The following ZNHIT6 variants were observed in gnomAD, a reference collection of about 807,000 sequenced individuals.
The protein encoded by ZNHIT6 is box C/D snoRNA protein 1.
ZNHIT6 carries 45 observed loss-of-function variants against 57.2 expected under a neutral mutation model. The observed-to-expected ratio is 0.79, with a 90% CI of 0.62 to 1.01. The LOEUF (loss-of-function observed/expected upper bound fraction) is 1.01, where lower values mean the gene tolerates loss of function less well. Ranked by LOEUF, ZNHIT6 falls within the 50% of genes least tolerant of loss-of-function variation. ZNHIT6 has a pLI of 0.00. For missense variants in ZNHIT6, 528 were observed against 567.3 expected, an observed-to-expected ratio of 0.93 and a Z score of 0.70; for synonymous variants, 188 against 190.0, an observed-to-expected ratio of 0.99 and a Z score of 0.09.
chr1:85,668,833 TCAA>T (rs1314013515), intron 8 of ZNHIT6, among the ~76,000 whole-genome samples: 1 of 152,160 alleles, frequency 6.6e-6, no homozygotes, highest in Non-Finnish European at 1.5e-5. Context: ...CTTCAACAAC[TCAA>T]CTGAATATAT....
At chr1:85,681,671 T>G (rs191558661) in intron 5 of ZNHIT6, among the ~76,000 whole-genome samples, 1 of 152,194 alleles carries the variant, frequency 6.6e-6, no homozygotes, top group Non-Finnish European at 1.5e-5. Flanking sequence ...CCCATAGCAG[T>G]AGGACCCCAA....
intron 5 of ZNHIT6, among the ~76,000 whole-genome samples, chr1:85,694,544 C>T (rs1450323879): frequency 1.3e-5 from 2 of 152,134 alleles, no homozygotes; most frequent in South Asian, 2.1e-4. Context: ...TCACTGCAAG[C>T]TCCGCCTCCC....
intron 1 of ZNHIT6, 47 bp from the exon 2 acceptor site, chr1:85,706,554 T>C (rs922406461): frequency 4.2e-6 from 6 of 1,437,682 alleles, no homozygotes; most frequent in African/African-American, 2.9e-5. Context: ...ATTAATTGTA[T>C]TTATTTATAA....
intron 8 of ZNHIT6, among the ~76,000 whole-genome samples, chr1:85,676,049 T>C (rs1385159187): frequency 6.6e-6 from 1 of 152,050 alleles, no homozygotes; most frequent in Non-Finnish European, 1.5e-5. Flanking sequence ...ATAAGACTGT[T>C]TTACTGGCCG....
intron 5 of ZNHIT6, among the ~76,000 whole-genome samples, chr1:85,691,963 G>T (rs1662234138): frequency 6.6e-6 from 1 of 151,782 alleles, no homozygotes; most frequent in African/African-American, 2.4e-5. Context: ...GAGGTCAGGA[G>T]TTCAAGACCA....
In ZNHIT6 at chr1:85,653,056, G is replaced by T. The variant is rs1660957163; in HGVS notation, c.*1002C>A. 1 of 151,986 alleles carries T rather than the reference G, an allele frequency of 6.6e-6. No homozygotes were observed. Among genetic ancestry groups the T allele is most frequent in the African/African-American group, 2.4e-5 (1 of 41,348 alleles). 9.4% of individuals were successfully genotyped at this position (151,986 alleles called of 1,614,324 possible). On this transcript the variant is annotated 3_prime_UTR_variant, in exon 10 of 10. Transcript: ENST00000370574. ...CATATCAAAACACAGTATAAAACTGGTCATCACAACACCCTTCTGCAGTAA... is the reference window on the plus strand; with the variant it reads ...CATATCAAAACACAGTATAAAACTGTTCATCACAACACCCTTCTGCAGTAA...
intron 5 of ZNHIT6, among the ~76,000 whole-genome samples, chr1:85,688,609 T>C (rs1050410595): frequency 3.9e-5 from 6 of 152,218 alleles, no homozygotes; most frequent in African/African-American, 1.4e-4. Context: ...ATGAACTCTA[T>C]GCCTACCCTC....
intron 5 of ZNHIT6, among the ~76,000 whole-genome samples, chr1:85,681,925 T>C (rs1661887356): frequency 1.3e-5 from 2 of 151,904 alleles, no homozygotes; most frequent in African/African-American, 4.8e-5. Context: ...CATTTTGCAA[T>C]ATTCATTATC....
chr1:85,707,888 C>T lies in ZNHIT6; in HGVS notation c.397G>A (p.Gly133Ser). 6.2e-7 allele frequency: 1 copy of T among 1,614,046 alleles called. No homozygotes were observed. The change falls in exon 1 of 10, where the codon GGT (glycine) becomes AGT (serine). Residue 133 changes from glycine to serine, a missense_variant. Transcript: ENST00000370574. ...TTCTCTTCCTTTACCTCTGGTTCAC[C>T]CACCTTCGCTTCTTTTACCACTAAA... ...SSLVVKEAKV[G>S]EPEVKEEKVK...
intron 5 of ZNHIT6, among the ~76,000 whole-genome samples, chr1:85,685,605 T>A (rs752939699): frequency 6.6e-6 from 1 of 152,176 alleles, no homozygotes; most frequent in Non-Finnish European, 1.5e-5. Context: ...TGAGACAAGG[T>A]CTCACTCTGT....
In ZNHIT6 at chr1:85,667,168, G is replaced by A. The variant is rs555309431; in HGVS notation, c.1248-9197C>T. Among the ~76,000 whole-genome samples the A allele has an allele frequency of 2.0e-3, 302 of 152,090 alleles. 2 individuals are homozygous for A. The highest frequency in any genetic ancestry group is 3.8e-3 in the Non-Finnish European group (256 of 68,006). On this transcript the variant is annotated intron_variant, in intron 8 of 9. Transcript: ENST00000370574. ...GCAGGCAGACCTAGGTTTGGATCTA[G>A]GTTCTACCGTTTAGTGGTCATACAG...
chr1:85,658,421 G>A (rs12722770), intron 8 of ZNHIT6, among the ~76,000 whole-genome samples: 35,235 of 151,660 alleles, frequency 0.23, 4,691 homozygotes, highest in Admixed American at 0.29. Flanking sequence ...TAGTAGAGAC[G>A]GGGTTTCACA....
At chr1:85,684,499 G>GT (rs1661969561) in intron 5 of ZNHIT6, among the ~76,000 whole-genome samples, 1 of 152,164 alleles carries the variant, frequency 6.6e-6, no homozygotes, top group African/African-American at 2.4e-5. Context: ...CAGATATACA[G>GT]TGTATCTATG....
rs74441245 is a variant in ZNHIT6 at position 85,674,583 on chromosome 1, C to A, written c.1247+2653G>T. Reference sequence around the variant, plus strand: ...TAGTAAAATCCTAAAATCAATTCCACGTAATTCATGTTTAAACAAAATAAT... The same window carrying A: ...TAGTAAAATCCTAAAATCAATTCCAAGTAATTCATGTTTAAACAAAATAAT... On this transcript the variant is annotated intron_variant, in intron 8 of 9. Coordinates refer to ENST00000370574, the MANE Select transcript of ZNHIT6 (RefSeq NM_017953.4). Among the ~76,000 whole-genome samples, 37 of 152,292 alleles carry A rather than the reference C, an allele frequency of 2.4e-4. No homozygotes were observed. In the East Asian group the frequency reaches 6.2e-3, roughly 25 times the overall value.
chr1:85,656,095 T>G (rs1661052830), intron 9 of ZNHIT6, among the ~76,000 whole-genome samples: 1 of 152,176 alleles, frequency 6.6e-6, no homozygotes, highest in African/African-American at 2.4e-5. Flanking sequence ...CCTTCCCTCA[T>G]CAAGGTATCA....
intron 5 of ZNHIT6, among the ~76,000 whole-genome samples, chr1:85,691,054 G>A (rs9793556): frequency 0.95 from 144,623 of 152,194 alleles, 68,768 homozygotes; most frequent in Non-Finnish European, 0.97. Context: ...GGTCAAGCCC[G>A]GGTATCTATT....
At chr1:85,701,587 T>C (rs923517608) in intron 5 of ZNHIT6, among the ~76,000 whole-genome samples, 8 of 152,188 alleles carry the variant, frequency 5.3e-5, no homozygotes, top group African/African-American at 1.9e-4. Context: ...CAGCTTTTAA[T>C]TGAAATCTTA....
chr1:85,656,168 G>T (rs756780208), intron 9 of ZNHIT6, among the ~76,000 whole-genome samples: 70 of 152,156 alleles, frequency 4.6e-4, no homozygotes, highest in Non-Finnish European at 7.4e-4. Flanking sequence ...AGTACTTACA[G>T]AAAGAAATGC....
chr1:85,680,768 AAC>A, intron 6 of ZNHIT6, 66 bp downstream of exon 6: 1 of 1,208,042 alleles, frequency 8.3e-7, no homozygotes, highest in East Asian at 2.4e-5. Context: ...ACATTAAGTT[AAC>A]AGTTTATTTT....
Sources: allele counts gnomAD v4.1 joint callset (sites outside exome capture counted in the v4.1 genomes callset), GRCh38; gene constraint gnomAD v4.1.1; transcripts MANE v1.5; gene names NCBI Gene and HGNC (gene_info 2026-07-23, HGNC 2026-07-21).